The following KCNH8 variants were observed in gnomAD, a reference collection of about 807,000 sequenced individuals.
KCNH8 encodes potassium voltage-gated channel subfamily H member 8.
KCNH8 carries 70 observed loss-of-function variants against 103.6 expected under a neutral mutation model. The observed-to-expected ratio is 0.68, with a 90% CI of 0.56 to 0.82. KCNH8 has a LOEUF of 0.82. KCNH8 is among the 40% of genes least tolerant of loss of function. The pLI is 0.00. For synonymous variants in KCNH8, 498 were observed against 489.4 expected (o/e 1.02, Z -0.23); for missense variants, 1,217 against 1,329.9 (o/e 0.92, Z 1.32).
In KCNH8 at chr3:19,148,566, C is replaced by G; in HGVS notation, c.-154C>G. ...CGGCTGGAACTCTCTCCCTTTCTCC[C>G]TCCATCCTTCCACTTCCCCTGCTCG... On this transcript the variant is annotated 5_prime_UTR_variant, in exon 1 of 16. Transcript: ENST00000328405. The G allele has an allele frequency of 2.8e-6, 2 of 716,224 alleles. No homozygotes were observed. The highest frequency in any genetic ancestry group is 1.6e-5 in the South Asian group (1 of 60,814). The allele number at this position is 716,224 out of a possible 1,614,324, so 44.4% of individuals were successfully genotyped here.
chr3:19,153,824 G>A (rs1464833166), intron 1 of KCNH8, among the ~76,000 whole-genome samples: 3 of 151,570 alleles, frequency 2.0e-5, no homozygotes, highest in African/African-American at 7.3e-5. Flanking sequence ...AGTAGAGACG[G>A]GGTTTCACCA....
At chr3:19,489,319 T>C (rs1226869243) in intron 11 of KCNH8, among the ~76,000 whole-genome samples, 1 of 152,094 alleles carries the variant, frequency 6.6e-6, no homozygotes, top group Non-Finnish European at 1.5e-5. Context: ...ATTCCCTCGG[T>C]GGGTGGAGCG....
chr3:19,498,616 C>G (rs964982019), intron 11 of KCNH8, among the ~76,000 whole-genome samples: 4 of 152,206 alleles, frequency 2.6e-5, no homozygotes, highest in African/African-American at 9.6e-5. Flanking sequence ...TCTTCTGTTG[C>G]TGGTGAGGAA....
At chr3:19,249,091 A>C (rs1175185498) in intron 1 of KCNH8, among the ~76,000 whole-genome samples, 2 of 152,256 alleles carry the variant, frequency 1.3e-5, no homozygotes, top group African/African-American at 4.8e-5. Context: ...TGGCATTTAG[A>C]TGCATATTGC....
At position 19,253,822 on chromosome 3, in the gene KCNH8, A is replaced by T; in HGVS notation, c.245A>T (p.Gln82Leu). 6.2e-7 allele frequency: 1 copy of T among 1,613,918 alleles called. No individual in the cohort carries two copies. The highest frequency in any genetic ancestry group is 1.1e-5 in the South Asian group (1 of 91,086). ...GAAACCAATGAGCAACTGATGCTTC[A>T]AATAGAAAAGTCACTGGAGGAGAAA... ...GVETNEQLML[Q>L]IEKSLEEKTE... The change falls in exon 2 of 16, where the codon CAA (glutamine) becomes CTA (leucine). Residue 82 changes from glutamine to leucine, a missense_variant. Gln to Leu is a moderately radical substitution (Grantham distance 113). Coordinates refer to ENST00000328405, the MANE Select transcript of KCNH8 (RefSeq NM_144633.3).
At chr3:19,224,647 C>G (rs2125233839) in intron 1 of KCNH8, among the ~76,000 whole-genome samples, 1 of 148,410 alleles carries the variant, frequency 6.7e-6, no homozygotes, top group Non-Finnish European at 1.5e-5. Flanking sequence ...CTCAAATGAT[C>G]TTCCCACTTT....
At chr3:19,244,432 TTTG>T (rs891640760) in intron 1 of KCNH8, among the ~76,000 whole-genome samples, 30 of 152,082 alleles carry the variant, frequency 2.0e-4, no homozygotes, top group Non-Finnish European at 3.7e-4. Context: ...GTTTTTGTTT[TTTG>T]TTGTTGTTGT....
intron 7 of KCNH8, among the ~76,000 whole-genome samples, chr3:19,399,331 G>T (rs1305379366): frequency 6.6e-6 from 1 of 151,856 alleles, no homozygotes; most frequent in Non-Finnish European, 1.5e-5. Context: ...TGTACAAGTA[G>T]ACCTTGCATG....
At chr3:19,368,699 C>A (rs1233855272) in intron 5 of KCNH8, among the ~76,000 whole-genome samples, 1 of 151,840 alleles carries the variant, frequency 6.6e-6, no homozygotes, top group African/African-American at 2.4e-5. Context: ...AATATAATAG[C>A]TGGTCAGTAA....
chr3:19,510,188 T>C (rs1283997671), intron 11 of KCNH8, among the ~76,000 whole-genome samples, 175 bp from the exon 12 acceptor site: 4 of 152,132 alleles, frequency 2.6e-5, no homozygotes, highest in African/African-American at 9.7e-5. Context: ...TTTTGGCACA[T>C]TGTAGAAGGT....
chr3:19,498,811 C>G (rs2068507013), intron 11 of KCNH8, among the ~76,000 whole-genome samples: 1 of 152,112 alleles, frequency 6.6e-6, no homozygotes, highest in Non-Finnish European at 1.5e-5. Context: ...ACAGGACCCT[C>G]AGCTGCAGGT....
Position 19,162,358 on chromosome 3 carries a change from C to CAAAA in KCNH8, c.76+13577_76+13580dup, listed in dbSNP as rs1170369183. 7.1e-3 allele frequency among the ~76,000 whole-genome samples: 537 copies of CAAAA among 75,774 alleles called. 6 individuals are homozygous for CAAAA. Among genetic ancestry groups the CAAAA allele is most frequent in the African/African-American group, 0.021 (498 of 23,240 alleles). The allele number at this position is 75,774 out of a possible 152,430, so 49.7% of individuals were successfully genotyped here. On this transcript the variant is annotated intron_variant, in intron 1 of 15. Transcript: ENST00000328405. ...GAAAACCCATCTGTAACTAAAAATA[C>CAAAA]AAAAAAAAAAAAAAAAAGTATCTGG...
At chr3:19,162,094 A>T (rs2063239541) in intron 1 of KCNH8, among the ~76,000 whole-genome samples, 1 of 152,170 alleles carries the variant, frequency 6.6e-6, no homozygotes, top group South Asian at 2.1e-4. Context: ...TTTTATTTGA[A>T]ATCACTTGAA....
chr3:19,520,125 A>C (rs1228968611), intron 15 of KCNH8, among the ~76,000 whole-genome samples: 1 of 151,520 alleles, frequency 6.6e-6, no homozygotes, highest in Non-Finnish European at 1.5e-5. Context: ...ACATGTGCAG[A>C]ATGTGCAGGT....
Position 19,482,366 on chromosome 3 carries a change from G to C in KCNH8, c.2040+25384G>C, listed in dbSNP as rs1295307911. ...AGAAATTGGGCATAAGACAATATGA[G>C]GGGTGGTCTCCCTCTTTATTCCCCT... is the stretch of plus-strand genomic sequence containing the variant. On this transcript the variant is annotated intron_variant, in intron 11 of 15. Transcript: ENST00000328405. 2.6e-5 allele frequency among the ~76,000 whole-genome samples: 4 copies of C among 152,272 alleles called. 1 individual carries two copies. Among genetic ancestry groups the C allele is most frequent in the South Asian group, 4.2e-4 (2 of 4,816 alleles).
At chr3:19,244,939 T>C (rs1003303942) in intron 1 of KCNH8, among the ~76,000 whole-genome samples, 15 of 152,186 alleles carry the variant, frequency 9.9e-5, no homozygotes, top group Non-Finnish European at 1.9e-4. Flanking sequence ...TTTATTTTGC[T>C]ATGGAAAAGC....
Position 19,249,319 on chromosome 3 carries a change from A to C in KCNH8, c.77-4335A>C, listed in dbSNP as rs116943074. ...GGCAAGAGAGGCTACTCTCCCAAAT[A>C]CAGGGACCATTCATGTAGCTAGTAC... On this transcript the variant is annotated intron_variant, in intron 1 of 15. Coordinates refer to ENST00000328405, the MANE Select transcript of KCNH8 (RefSeq NM_144633.3). 1.1e-3 allele frequency among the ~76,000 whole-genome samples: 167 copies of C among 152,338 alleles called. No homozygotes were observed. In the East Asian group the frequency reaches 0.028, roughly 26 times the overall value.
chr3:19,221,858 T>G (rs907285438), intron 1 of KCNH8, among the ~76,000 whole-genome samples: 1 of 151,792 alleles, frequency 6.6e-6, no homozygotes, highest in Admixed American at 6.6e-5. Context: ...TTTTTTTTTT[T>G]CCTTCTTGAG....
intron 3 of KCNH8, among the ~76,000 whole-genome samples, chr3:19,301,576 G>A (rs936683404): frequency 6.6e-6 from 1 of 152,076 alleles, no homozygotes; most frequent in African/African-American, 2.4e-5. Context: ...CACCAAATGT[G>A]TGTTTTTTCG....
Sources: gnomAD v4.1 joint callset for allele counts (sites outside exome capture counted in the v4.1 genomes callset) on GRCh38, gnomAD v4.1.1 for gene constraint, MANE v1.5 for transcripts, NCBI Gene and HGNC (gene_info 2026-07-23, HGNC 2026-07-21) for gene names.